CLEC2B: variants seen among roughly 807,000 people sequenced by gnomAD.
The protein encoded by CLEC2B is C-type (calcium dependent, carbohydrate-recognition domain) lectin, superfamily member 2 (activation-induced).
CLEC2B carries 14 observed loss-of-function variants against 16.2 expected under a neutral mutation model. That is an observed-to-expected ratio of 0.86 (90% CI 0.57 to 1.35). The LOEUF (loss-of-function observed/expected upper bound fraction) is 1.35, where lower values mean the gene tolerates loss of function less well. CLEC2B is among the 40% of genes most tolerant of loss of function. The probability of loss-of-function intolerance (pLI) is 0.00; values close to 1 mark genes in which losing one functional copy is unlikely to be tolerated. For missense variants in CLEC2B, 166 were observed against 182.3 expected, an observed-to-expected ratio of 0.91 and a Z score of 0.52; for synonymous variants, 42 against 55.8, an observed-to-expected ratio of 0.75 and a Z score of 1.10.
At chr12:9,862,866 A>G (rs1867942890) in intron 1 of CLEC2B, among the ~76,000 whole-genome samples, 1 of 152,154 alleles carries the variant, frequency 6.6e-6, no homozygotes, top group African/African-American at 2.4e-5. Context: ...CATCATTTCT[A>G]TACTGGAAAA....
chr12:9,862,374 C>G (rs1867939433), intron 2 of CLEC2B, 125 bp downstream of exon 2: 4 of 847,282 alleles, frequency 4.7e-6, no homozygotes, highest in Non-Finnish European at 6.6e-6. Flanking sequence ...TCATTTGTAC[C>G]AATTAAATGT....
At chr12:9,855,249 G>A (rs33869) in intron 3 of CLEC2B, among the ~76,000 whole-genome samples, 12,887 of 151,976 alleles carry the variant, frequency 0.085, 670 homozygotes, top group African/African-American at 0.14. Flanking sequence ...ACACCACTAT[G>A]GTCAAATCCT....
intron 3 of CLEC2B, among the ~76,000 whole-genome samples, chr12:9,856,535 G>C (rs1002232738): frequency 6.6e-6 from 1 of 151,964 alleles, no homozygotes; most frequent in African/African-American, 2.4e-5. Context: ...GGCTCTGCCT[G>C]ATTCACATGC....
chr12:9,866,400 T>C (rs896351508), intron 1 of CLEC2B, among the ~76,000 whole-genome samples: 3 of 152,150 alleles, frequency 2.0e-5, no homozygotes, highest in African/African-American at 7.2e-5. Flanking sequence ...TTGTGGCATG[T>C]AATTGTATTT....
chr12:9,855,479 A>C (rs1867888664), intron 3 of CLEC2B, among the ~76,000 whole-genome samples: 1 of 152,124 alleles, frequency 6.6e-6, no homozygotes, highest in African/African-American at 2.4e-5. Context: ...GACATGGAAA[A>C]GTTATCAGTG....
At chr12:9,860,368 G>T (rs253150) in intron 2 of CLEC2B, among the ~76,000 whole-genome samples, 1 of 151,342 alleles carries the variant, frequency 6.6e-6, no homozygotes, top group African/African-American at 2.4e-5. Context: ...AGGCCAGCAA[G>T]AGACTAAATA....
chr12:9,858,814 T>A (rs1167051578), intron 2 of CLEC2B, among the ~76,000 whole-genome samples: 1 of 151,996 alleles, frequency 6.6e-6, no homozygotes. Flanking sequence ...TCTTAGATAA[T>A]GCTAGGATTT....
intron 1 of CLEC2B, among the ~76,000 whole-genome samples, chr12:9,868,484 C>T (rs865977272): frequency 4.6e-5 from 7 of 152,162 alleles, no homozygotes; most frequent in Middle Eastern, 3.4e-3. Context: ...TAAAGCTCAT[C>T]ACAGTCCCTA....
intron 2 of CLEC2B, among the ~76,000 whole-genome samples, chr12:9,858,158 G>A (rs1406423721): frequency 6.6e-6 from 1 of 152,054 alleles, no homozygotes; most frequent in African/African-American, 2.4e-5. Context: ...GAAGGTGGAA[G>A]TAAAGCAGAA....
chr12:9,853,083 A>AAGAGAGAGAGAAAGAAAG lies in CLEC2B; in HGVS notation c.*216_*217insCTTTCTTTCTCTCTCTCT, dbSNP rs1867860969. 1.1e-4 allele frequency: 35 copies of AAGAGAGAGAGAAAGAAAG among 329,700 alleles called. No individual in the cohort carries two copies. Among genetic ancestry groups the AAGAGAGAGAGAAAGAAAG allele is most frequent in the African/African-American group, 9.4e-4 (33 of 35,078 alleles). The allele number at this position is 329,700 out of a possible 1,614,324, so 20.4% of individuals were successfully genotyped here. A position where few individuals can be genotyped will look rare whatever the true frequency, so the allele number is the denominator to read the frequency against. On this transcript the variant is annotated 3_prime_UTR_variant, in exon 5 of 5. Transcript: ENST00000228438. The stretch of plus-strand genomic sequence containing the variant: ...AAAGAAAGAAAGAAAGAAAGAAAGA[A>AAGAGAGAGAGAAAGAAAG]AGAGAGAGAGAGAAAGAAAGAAAGA...
intron 2 of CLEC2B, 108 bp from the exon 3 acceptor site, chr12:9,857,745 G>C: frequency 1.2e-6 from 1 of 863,768 alleles, no homozygotes; most frequent in Non-Finnish European, 1.8e-6. Flanking sequence ...TGGTCACTAT[G>C]AAAGTTGTAT....
At chr12:9,863,015 C>T (rs1050714231) in intron 1 of CLEC2B, among the ~76,000 whole-genome samples, 2 of 152,108 alleles carry the variant, frequency 1.3e-5, no homozygotes, top group Non-Finnish European at 2.9e-5. Context: ...GCAGGACTAC[C>T]ATCCCCAATA....
At position 9,854,471 on chromosome 12, in the gene CLEC2B, C is replaced by T. The variant is rs1320387118; in HGVS notation, c.251G>A (p.Arg84Gln). 1.2e-5 allele frequency: 19 copies of T among 1,611,492 alleles called. No individual in the cohort carries two copies. Among genetic ancestry groups the T allele is most frequent in the African/African-American group, 6.7e-5 (5 of 74,820 alleles). ...CCAGTGATCAGAACTGCATTTATAC[C>T]GCCTAAGAAAATTCTTTAGAGACAA... The part of the protein sequence containing the change: ...DNIEEMNFLR[R>Q]YKCSSDHWIG... The change falls in exon 4 of 5, where the codon CGG (arginine) becomes CAG (glutamine). Residue 84 changes from arginine (R) to glutamine (Q), a missense_variant. Transcript: ENST00000228438.
At chr12:9,854,147 G>C (rs997650693) in intron 4 of CLEC2B, among the ~76,000 whole-genome samples, 3 of 152,096 alleles carry the variant, frequency 2.0e-5, no homozygotes, top group Non-Finnish European at 4.4e-5. Context: ...TTGTGTATAT[G>C]AATCTCAGGT....
intron 2 of CLEC2B, among the ~76,000 whole-genome samples, chr12:9,860,388 T>C (rs953326863): frequency 6.6e-6 from 1 of 151,782 alleles, no homozygotes; most frequent in African/African-American, 2.4e-5. Flanking sequence ...AGGACAATAG[T>C]GTTAATGAAA....
At chr12:9,857,374 T>C (rs1867901386) in intron 3 of CLEC2B, 100 bp downstream of exon 3, 2 of 836,958 alleles carry the variant, frequency 2.4e-6, no homozygotes, top group Non-Finnish European at 3.8e-6. Context: ...TCTGCATAGA[T>C]AGGCATGAGT....
chr12:9,860,432 G>A (rs1413707660), intron 2 of CLEC2B, among the ~76,000 whole-genome samples: 2 of 151,612 alleles, frequency 1.3e-5, no homozygotes, highest in Non-Finnish European at 1.5e-5. Flanking sequence ...GCATTATAGC[G>A]CATTGAGTCT....
chr12:9,863,454 C>T (rs539517388), intron 1 of CLEC2B, among the ~76,000 whole-genome samples: 109 of 152,146 alleles, frequency 7.2e-4, no homozygotes, highest in African/African-American at 2.3e-3. Flanking sequence ...TGGACAAAGT[C>T]GGAATCAGAG....
Position 9,857,564 on chromosome 12 carries a change from GA to G in CLEC2B, c.146del (p.Phe49SerfsTer22). ...AATTCCAATCTCCTTCTTCTTTAGAGAAATAATAGCATTTGTTTTGGAAACC... is the reference window on the plus strand; with the variant it reads ...AATTCCAATCTCCTTCTTCTTTAGAGAATAATAGCATTTGTTTTGGAAACC... ...WIGFQNKCYY[F>X]SKEEGDWNSS... On this transcript the variant is annotated frameshift_variant, in exon 3 of 5. Coordinates refer to ENST00000228438, the MANE Select transcript of CLEC2B (RefSeq NM_005127.3). LOFTEE classifies it high-confidence loss of function. 2.5e-6 allele frequency: 4 copies of G among 1,610,892 alleles called. No homozygotes were observed. In the South Asian group the frequency reaches 4.4e-5, roughly 18 times the overall value.
Sources: allele counts gnomAD v4.1 joint callset (sites outside exome capture counted in the v4.1 genomes callset), GRCh38; gene constraint gnomAD v4.1.1; transcripts MANE v1.5; gene names NCBI Gene and HGNC (gene_info 2026-07-23, HGNC 2026-07-21).